The following BTBD9 variants were observed in gnomAD, a reference collection of about 807,000 sequenced individuals.
The protein encoded by BTBD9 is BTB/POZ domain-containing protein 9.
In BTBD9, 49 loss-of-function variants were observed where a neutral mutation model predicts 64.3. The observed-to-expected ratio is 0.76, with a 90% confidence interval of 0.61 to 0.97. The LOEUF (loss-of-function observed/expected upper bound fraction) is 0.97. BTBD9 is among the 50% of genes least tolerant of loss of function. The pLI is 0.00. For missense variants in BTBD9, 598 were observed against 762.1 expected, an observed-to-expected ratio of 0.78 and a Z score of 2.53; for synonymous variants, 260 against 274.7, an observed-to-expected ratio of 0.95 and a Z score of 0.53.
chr6:38,183,949 A>G (rs1288864494), intron 10 of BTBD9, among the ~76,000 whole-genome samples: 2 of 152,200 alleles, frequency 1.3e-5, no homozygotes, highest in Non-Finnish European at 1.5e-5. Context: ...AAGATGCTAC[A>G]ACACAGTCTC....
rs555424257 is a variant in BTBD9 at position 38,193,962 on chromosome 6, C to T, written c.1563-1365G>A. The T allele has an allele frequency of 5.3e-5, 47 of 892,600 alleles. No homozygotes were observed. The African/African-American group carries it at 8.3e-4, about 16-fold the overall frequency. 55.3% of individuals were successfully genotyped at this position (892,600 alleles called of 1,614,324 possible). On this transcript the variant is annotated intron_variant, in intron 9 of 10. Transcript: ENST00000481247. ...GTGTGTAAAGTCTGTGCCCCTGAAA[C>T]CAGTGTTCTGGAAACAAAGAAAAAT...
At chr6:38,364,921 T>C (rs1298111247) in intron 6 of BTBD9, among the ~76,000 whole-genome samples, 1 of 152,120 alleles carries the variant, frequency 6.6e-6, no homozygotes, top group African/African-American at 2.4e-5. Flanking sequence ...AGCCAGGTAT[T>C]AGTTTTGTGT....
At chr6:38,332,630 G>A (rs1224196214) in intron 7 of BTBD9, among the ~76,000 whole-genome samples, 1 of 151,806 alleles carries the variant, frequency 6.6e-6, no homozygotes, top group Non-Finnish European at 1.5e-5. Context: ...GGGATGGGGA[G>A]AAGGAAAAGA....
Position 38,170,783 on chromosome 6 carries a change from T to C in BTBD9, c.*4202A>G, listed in dbSNP as rs1402573915. On this transcript the variant is annotated 3_prime_UTR_variant, in exon 11 of 11. Transcript: ENST00000481247. The stretch of plus-strand genomic sequence containing the variant: ...AACTGAACTCCTGCCGGGGCTGTTG[T>C]CAGGAAAAATATGCAGAATCAATGG... 6.6e-6 allele frequency: 1 copy of C among 152,228 alleles called. No individual in the cohort carries two copies. The allele number at this position is 152,228 out of a possible 1,614,324, so 9.4% of individuals were successfully genotyped here.
chr6:38,373,108 G>A (rs1434754873), intron 6 of BTBD9, among the ~76,000 whole-genome samples: 1 of 152,052 alleles, frequency 6.6e-6, no homozygotes, highest in Non-Finnish European at 1.5e-5. Context: ...CATGGTCCTT[G>A]GTAGATACAT....
intron 1 of BTBD9, among the ~76,000 whole-genome samples, chr6:38,621,490 ATAGT>A (rs1777980977): frequency 6.6e-6 from 1 of 152,246 alleles, no homozygotes; most frequent in Non-Finnish European, 1.5e-5. Context: ...AGGTTATGCC[ATAGT>A]TAGTGATGTA....
chr6:38,169,484 G>GATA lies in BTBD9; in HGVS notation c.*5500_*5501insTAT, dbSNP rs67371360. On this transcript the variant is annotated 3_prime_UTR_variant, in exon 11 of 11. Transcript: ENST00000481247. ...GGTGGGGAGCAATTTGGCAGCAGAC[G>GATA]GACTAATATCAACGTCTCCAGTGAC... The GATA allele has an allele frequency of 5.7e-5, 1 of 17,470 alleles. No homozygotes were observed. Among genetic ancestry groups the GATA allele is most frequent in the Admixed American group, 5.1e-4 (1 of 1,944 alleles). The allele number at this position is 17,470 out of a possible 1,614,324, so 1.1% of individuals were successfully genotyped here. A position where few individuals can be genotyped will look rare whatever the true frequency, so the allele number is the denominator to read the frequency against.
intron 7 of BTBD9, among the ~76,000 whole-genome samples, chr6:38,331,053 CAAAATT>C (rs1364703634): frequency 6.6e-6 from 1 of 152,012 alleles, no homozygotes; most frequent in East Asian, 1.9e-4. Context: ...AGGAATAACT[CAAAATT>C]AAAAATATCT....
rs142602799 is a variant in BTBD9 at position 38,175,912 on chromosome 6, A to G, written c.1642-730T>C. On this transcript the variant is annotated intron_variant, in intron 10 of 10. Coordinates refer to ENST00000481247, the MANE Select transcript of BTBD9 (RefSeq NM_001099272.2). ...AGCCAGCCTGGAACAAACGCCCCCA[A>G]TGTGTAGAAGCCAGCCACCTGGCCG... 8.1e-4 allele frequency among the ~76,000 whole-genome samples: 123 copies of G among 152,338 alleles called. 2 individuals carry two copies. In the East Asian group the frequency reaches 0.018, roughly 23 times the overall value.
intron 6 of BTBD9, among the ~76,000 whole-genome samples, chr6:38,406,340 G>A (rs1767162945): frequency 6.6e-6 from 1 of 152,128 alleles, no homozygotes; most frequent in Non-Finnish European, 1.5e-5. Context: ...AATTGATTGT[G>A]TGTGTGTTTT....
At chr6:38,589,051 CA>C (rs1776676779) in intron 4 of BTBD9, among the ~76,000 whole-genome samples, 1 of 152,122 alleles carries the variant, frequency 6.6e-6, no homozygotes, top group African/African-American at 2.4e-5. Context: ...TCAGGAAAAA[CA>C]GACTTACTTA....
chr6:38,597,986 C>A lies in BTBD9; in HGVS notation c.109G>T (p.Asp37Tyr). The change falls in exon 2 of 11, where the codon GAC becomes TAC. Residue 37 changes from aspartate to tyrosine, a missense_variant. Physicochemically the swap from Asp to Tyr is radical, Grantham distance 160. Coordinates refer to ENST00000481247, the MANE Select transcript of BTBD9 (RefSeq NM_001099272.2). The part of the protein sequence containing the change: ...GALLIGEEYG[D>Y]VTFVVEKKRF... ...TTCTTTTCCACCACGAATGTGACGT[C>A]GCCATATTCTTCCCCAATCAACAAG... 1 of 1,613,980 alleles carries A rather than the reference C, an allele frequency of 6.2e-7. No individual in the cohort carries two copies. Among genetic ancestry groups the A allele is most frequent in the Non-Finnish European group, 8.5e-7 (1 of 1,179,890 alleles).
intron 6 of BTBD9, among the ~76,000 whole-genome samples, chr6:38,552,755 A>T (rs1310952557): frequency 7.5e-6 from 1 of 132,964 alleles, no homozygotes; most frequent in Admixed American, 7.5e-5. Flanking sequence ...AAAGAAAAAG[A>T]AAAAAAAAAA....
intron 6 of BTBD9, among the ~76,000 whole-genome samples, chr6:38,532,292 A>G (rs1422149394): frequency 6.6e-6 from 1 of 152,178 alleles, no homozygotes; most frequent in Non-Finnish European, 1.5e-5. Context: ...TCAGAACTTG[A>G]GTTTCAGTGA....
At chr6:38,453,428 C>A (rs1769647102) in intron 6 of BTBD9, among the ~76,000 whole-genome samples, 1 of 152,120 alleles carries the variant, frequency 6.6e-6, no homozygotes, top group African/African-American at 2.4e-5. Context: ...TCATTCTGTT[C>A]AGCAGCTTGT....
chr6:38,500,415 T>C (rs1005874386), intron 6 of BTBD9, among the ~76,000 whole-genome samples: 1 of 152,206 alleles, frequency 6.6e-6, no homozygotes, highest in African/African-American at 2.4e-5. Context: ...TCTGGGTTTT[T>C]CAAAAAGTGC....
At chr6:38,310,793 C>T (rs866694670) in intron 7 of BTBD9, among the ~76,000 whole-genome samples, 10 of 151,038 alleles carry the variant, frequency 6.6e-5, no homozygotes, top group African/African-American at 2.4e-4. Context: ...ACCCTTCTAG[C>T]TTTGTTTTGT....
chr6:38,510,055 T>G (rs76416804), intron 6 of BTBD9, among the ~76,000 whole-genome samples: 1 of 152,152 alleles, frequency 6.6e-6, no homozygotes, highest in Non-Finnish European at 1.5e-5. Flanking sequence ...ACACACAAAC[T>G]CCACAGTCTA....
chr6:38,514,348 G>T (rs548462279), intron 6 of BTBD9, among the ~76,000 whole-genome samples: 8 of 152,250 alleles, frequency 5.3e-5, no homozygotes, highest in Admixed American at 2.0e-4. Flanking sequence ...ATTTTTTAAA[G>T]TCCCAATTCT....
Sources: gnomAD v4.1 joint callset for allele counts (sites outside exome capture counted in the v4.1 genomes callset) on GRCh38, gnomAD v4.1.1 for gene constraint, MANE v1.5 for transcripts, NCBI Gene and HGNC (gene_info 2026-07-23, HGNC 2026-07-21) for gene names.